Variants in ACTN1 observed in about 807,000 individuals in gnomAD.
ACTN1 encodes actinin alpha 1.
A neutral mutation model predicts 119.6 loss-of-function variants in ACTN1; 30 were observed. That is an observed-to-expected ratio of 0.25 (90% CI 0.19 to 0.34). The LOEUF is 0.34. Ranked by LOEUF, ACTN1 falls within the 10% of genes least tolerant of loss-of-function variation. The pLI is 1.00. For synonymous variants in ACTN1, 429 were observed against 472.6 expected (o/e 0.91, Z 1.20); for missense variants, 764 against 1,223.4 (o/e 0.62, Z 5.60).
chr14:68,975,905 G>C (rs1421763550), intron 1 of ACTN1, among the ~76,000 whole-genome samples: 1 of 152,068 alleles, frequency 6.6e-6, no homozygotes, highest in Non-Finnish European at 1.5e-5. Flanking sequence ...TCCACATCAG[G>C]CCATACTTTC....
At chr14:68,912,720 G>T (rs1412139841) in intron 3 of ACTN1, among the ~76,000 whole-genome samples, 3 of 152,132 alleles carry the variant, frequency 2.0e-5, no homozygotes, top group Non-Finnish European at 4.4e-5. Flanking sequence ...GACAGGTGCT[G>T]GAAGAGAAGT....
Position 68,902,525 on chromosome 14 carries a change from G to A in ACTN1, c.714C>T (p.Ile238=), listed in dbSNP as rs766407928. 1 of 1,613,884 alleles carries A rather than the reference G, an allele frequency of 6.2e-7. No homozygotes were observed. The highest frequency in any genetic ancestry group is 8.5e-7 in the Non-Finnish European group (1 of 1,179,876). ...VGTARPDEKA[I]MTYVSSFYHA... ...GGTAGAAGCTAGACACGTAAGTCAT[G>A]ATGGCTTTCTCATCCGGTCGGGCAG... is the stretch of plus-strand genomic sequence containing the variant. Residue 238 remains isoleucine (I), a synonymous_variant, in exon 8 of 22, where the codon ATC becomes ATT. Transcript: ENST00000394419.
intron 1 of ACTN1, among the ~76,000 whole-genome samples, chr14:68,946,014 G>A (rs1460673172): frequency 2.0e-5 from 3 of 152,182 alleles, no homozygotes; most frequent in Non-Finnish European, 4.4e-5. Flanking sequence ...AGGTCACAGC[G>A]AACAGTAGAT....
At chr14:68,897,300 T>TTTA (rs1420088393) in intron 8 of ACTN1, among the ~76,000 whole-genome samples, 1 of 152,234 alleles carries the variant, frequency 6.6e-6, no homozygotes, top group Non-Finnish European at 1.5e-5. Context: ...TTCATGTTTT[T>TTTA]TTATGACCTA....
chr14:68,878,842 G>T lies in ACTN1; in HGVS notation c.2361+147C>A, dbSNP rs2031197279. On this transcript the variant is annotated intron_variant, in intron 19 of 21. Coordinates refer to ENST00000394419, the MANE Select transcript of ACTN1 (RefSeq NM_001130004.2). This position sits in a 1 kb window ranked among gnomAD's most constrained non-coding sequence, Gnocchi z 4.4. Reference sequence around the variant, plus strand: ...GGGCAGAGGGTGGACCAGTGATGGGGCAGACAGAGACAGCAGGAGAGGACG... The same window carrying T: ...GGGCAGAGGGTGGACCAGTGATGGGTCAGACAGAGACAGCAGGAGAGGACG... The T allele has an allele frequency of 3.1e-6, 5 of 1,595,332 alleles. No individual in the cohort carries two copies. The highest frequency in any genetic ancestry group is 4.2e-6 in the Non-Finnish European group (5 of 1,177,930).
intron 1 of ACTN1, among the ~76,000 whole-genome samples, chr14:68,976,336 C>G (rs2037058332): frequency 6.6e-6 from 1 of 152,116 alleles, no homozygotes; most frequent in Admixed American, 6.6e-5. Flanking sequence ...GGACTCTGGT[C>G]CCACACAAAC....
intron 1 of ACTN1, among the ~76,000 whole-genome samples, chr14:68,944,226 A>G (rs2035856599): frequency 6.6e-6 from 1 of 152,200 alleles, no homozygotes; most frequent in African/African-American, 2.4e-5. Context: ...GGGTTTCTGA[A>G]CACAAAGGCC....
rs532238947 is a variant in ACTN1 at position 68,941,276 on chromosome 14, C to T, written c.106-15604G>A. Among the ~76,000 whole-genome samples, 99 of 152,342 alleles carry T rather than the reference C, an allele frequency of 6.5e-4. 1 individual carries two copies. The highest frequency in any genetic ancestry group is 1.1e-3 in the Non-Finnish European group (78 of 68,024). On this transcript the variant is annotated intron_variant, in intron 1 of 21. Coordinates refer to ENST00000394419, the MANE Select transcript of ACTN1 (RefSeq NM_001130004.2). ...TGGTTCTCAAACTTGAATATGTAAA[C>T]TTGAACATTTACCAGAATCACCTGG...
At chr14:68,952,772 C>T (rs2036211788) in intron 1 of ACTN1, among the ~76,000 whole-genome samples, 1 of 152,158 alleles carries the variant, frequency 6.6e-6, no homozygotes, top group Non-Finnish European at 1.5e-5. Context: ...CTTAAAGAGC[C>T]AGAGCCTCCG....
In ACTN1 at chr14:68,901,223, TTTTTG is replaced by T. The variant is rs1173125757; in HGVS notation, c.762+1249_762+1253del. 5.4e-5 allele frequency among the ~76,000 whole-genome samples: 8 copies of T among 147,394 alleles called. No homozygotes were observed. In the South Asian group the frequency reaches 6.3e-4, roughly 12 times the overall value. Reference sequence around the variant, plus strand: ...TGTTTTATGGTTTTTTTTTGTTTTTTTTTTGTTTTGTTTTGTTTTTGTTTTGTTTT... The same window carrying T: ...TGTTTTATGGTTTTTTTTTGTTTTTTTTTTGTTTTGTTTTTGTTTTGTTTT... On this transcript the variant is annotated intron_variant, in intron 8 of 21. Coordinates refer to ENST00000394419, the MANE Select transcript of ACTN1 (RefSeq NM_001130004.2).
At position 68,898,641 on chromosome 14, in the gene ACTN1, T is replaced by A. The variant is rs552727353; in HGVS notation, c.762+3836A>T. Among the ~76,000 whole-genome samples the A allele has an allele frequency of 2.8e-4, 43 of 152,040 alleles. No individual in the cohort carries two copies. In the South Asian group the frequency reaches 6.8e-3, roughly 24 times the overall value. On this transcript the variant is annotated intron_variant, in intron 8 of 21. Transcript: ENST00000394419. ...CCCACCACACAAGGCGAGGTAGGGTTCCCCTCCCCTGCCTGCTCAGCTCAA... is the reference window on the plus strand; with the variant it reads ...CCCACCACACAAGGCGAGGTAGGGTACCCCTCCCCTGCCTGCTCAGCTCAA...
Position 68,892,219 on chromosome 14 carries a change from T to A in ACTN1, c.920A>T (p.His307Leu), listed in dbSNP as rs753084148. The A allele has an allele frequency of 1.9e-6, 3 of 1,614,174 alleles. No individual in the cohort carries two copies. Among genetic ancestry groups the A allele is most frequent in the Non-Finnish European group, 2.5e-6 (3 of 1,180,028 alleles). Residue 307 changes from histidine (H) to leucine (L), a missense_variant, in exon 10 of 22, where the codon CAT becomes CTT. Coordinates refer to ENST00000394419, the MANE Select transcript of ACTN1 (RefSeq NM_001130004.2). ...GTCCTCCAGCTTCTGTTGCATGGCA[T>A]GCATGGTGTTCTCGGGCACCCGGTT... ...LENRVPENTM[H>L]AMQQKLEDFR...
intron 6 of ACTN1, among the ~76,000 whole-genome samples, chr14:68,908,506 C>G (rs1481273988): frequency 6.6e-6 from 1 of 152,164 alleles, no homozygotes; most frequent in East Asian, 1.9e-4. Flanking sequence ...CACAGATAGG[C>G]GACATTCCAA....
intron 1 of ACTN1, among the ~76,000 whole-genome samples, chr14:68,955,529 G>C (rs1054656524): frequency 1.3e-5 from 2 of 152,192 alleles, no homozygotes; most frequent in African/African-American, 2.4e-5. Context: ...CAGGGAAGCA[G>C]GGCGAGGCAG....
chr14:68,964,061 A>G (rs1342329536), intron 1 of ACTN1, among the ~76,000 whole-genome samples: 1 of 152,188 alleles, frequency 6.6e-6, no homozygotes, highest in African/African-American at 2.4e-5. Flanking sequence ...GGAATTAAAT[A>G]TCTATTGGCA....
intron 11 of ACTN1, among the ~76,000 whole-genome samples, chr14:68,888,473 A>G (rs2032208850): frequency 6.6e-6 from 1 of 152,136 alleles, no homozygotes; most frequent in African/African-American, 2.4e-5. Flanking sequence ...ATACACGCAC[A>G]GTGGATGTGG....
intron 1 of ACTN1, among the ~76,000 whole-genome samples, chr14:68,970,517 G>A (rs2036850274): frequency 6.6e-6 from 1 of 152,308 alleles, no homozygotes; most frequent in Admixed American, 6.5e-5. Flanking sequence ...GACCACAAAG[G>A]AAGAGACTCT....
rs138413502 is a variant in ACTN1 at position 68,909,333 on chromosome 14, G to A, written c.579C>T (p.Tyr193=). The A allele has an allele frequency of 1.1e-4, 179 of 1,613,868 alleles. No individual in the cohort carries two copies. The highest frequency in any genetic ancestry group is 4.9e-4 in the Middle Eastern group (3 of 6,068). ...IHRHRPELID[Y]GKLRKDDPLT... ...GCACACATACCTTCCGCAGCTTCCC[G>A]TAGTCAATCAGCTCGGGCCGGTGTC... Residue 193 remains tyrosine, a synonymous_variant, in exon 6 of 22, where the codon TAC becomes TAT. Transcript: ENST00000394419. This position sits in a 1 kb window ranked among gnomAD's most constrained non-coding sequence, Gnocchi z 4.1.
At chr14:68,945,673 G>GGGA (rs779342755) in intron 1 of ACTN1, among the ~76,000 whole-genome samples, 5 of 152,294 alleles carry the variant, frequency 3.3e-5, no homozygotes, top group Non-Finnish European at 5.9e-5. Context: ...AGGAGAGACG[G>GGGA]GGAGGAGGGG....
Sources: allele counts gnomAD v4.1 joint callset (sites outside exome capture counted in the v4.1 genomes callset), GRCh38; gene constraint gnomAD v4.1.1; non-coding constraint Gnocchi (gnomAD v3.1); transcripts MANE v1.5; gene names NCBI Gene and HGNC (gene_info 2026-07-23, HGNC 2026-07-21).